FAAH2: variants seen among roughly 807,000 people sequenced by gnomAD.
FAAH2 encodes fatty-acid amide hydrolase 2.
In FAAH2, 60 loss-of-function variants were observed where a neutral mutation model predicts 36.9. The observed-to-expected ratio is 1.63, with a 90% CI of 1.32 to 2.02. The LOEUF is 2.02. FAAH2 is among the 30% of genes most tolerant of loss of function. The pLI, the probability that FAAH2 is intolerant of heterozygous loss-of-function variation, is 0.00. For missense variants in FAAH2, 689 were observed against 397.5 expected (o/e 1.73, Z -6.23); for synonymous variants, 214 against 143.8 (o/e 1.49, Z -3.49).
At chrX:57,484,506 T>A (rs1205411324) in intron 10 of FAAH2, among the ~76,000 whole-genome samples, 3 of 111,936 alleles carry the variant, frequency 2.7e-5, no homozygotes, top group Non-Finnish European at 5.6e-5. Context: ...ACACTTCAGA[T>A]GCACGTTGTT....
Position 57,343,079 on chromosome X carries a change from T to C in FAAH2, c.742+1689T>C, listed in dbSNP as rs148775459. ...TCTGCTATTCTGAATACTGCTGTGATAAACATATGAGTTCATTTGTCTTTT... is the reference window on the plus strand; with the variant it reads ...TCTGCTATTCTGAATACTGCTGTGACAAACATATGAGTTCATTTGTCTTTT... On this transcript the variant is annotated intron_variant, in intron 5 of 10. Transcript: ENST00000374900. 8.7e-3 allele frequency among the ~76,000 whole-genome samples: 978 copies of C among 112,272 alleles called. 9 individuals carry two copies. The highest frequency in any genetic ancestry group is 0.03 in the African/African-American group (933 of 30,979).
chrX:57,240,484 T>A, the FAAH2 span, among the ~76,000 whole-genome samples: 1 of 111,311 alleles, frequency 9.0e-6, no homozygotes, highest in African/African-American at 3.3e-5. Flanking sequence ...GTAGTGGCAG[T>A]GGGTTCCATG....
chrX:57,212,872 C>A, the FAAH2 span, among the ~76,000 whole-genome samples: 1 of 111,741 alleles, frequency 8.9e-6, no homozygotes, highest in Non-Finnish European at 1.9e-5. Context: ...CCTTTCTAAT[C>A]CATTAGAATA....
chrX:57,144,459 C>T, the FAAH2 span, among the ~76,000 whole-genome samples: 1 of 106,877 alleles, frequency 9.4e-6, no homozygotes, highest in Non-Finnish European at 1.9e-5. Flanking sequence ...TTTTTTTTTC[C>T]CCTACTTGAG....
At chrX:57,335,110 C>T (rs1345966465) in intron 4 of FAAH2, among the ~76,000 whole-genome samples, 6 of 112,077 alleles carry the variant, frequency 5.4e-5, no homozygotes, top group Non-Finnish European at 1.1e-4. Flanking sequence ...GTAAAACATT[C>T]CTCATTAAAT....
the FAAH2 span, among the ~76,000 whole-genome samples, chrX:57,140,265 C>A: frequency 9.2e-6 from 1 of 109,255 alleles, no homozygotes; most frequent in African/African-American, 3.3e-5. Context: ...AATATAAAAT[C>A]ATATTATCTG....
chrX:57,293,355 A>C (rs2052041683), intron 2 of FAAH2, among the ~76,000 whole-genome samples: 1 of 112,440 alleles, frequency 8.9e-6, no homozygotes, highest in Admixed American at 9.5e-5. Flanking sequence ...AATATCATGA[A>C]ATTATAGACA....
chrX:57,393,492 C>G (rs1250868067), intron 7 of FAAH2: 2 of 959,508 alleles, frequency 2.1e-6, no homozygotes, highest in Non-Finnish European at 3.0e-6. Flanking sequence ...GTGATCCGGT[C>G]TGCAATGATA....
At chrX:57,130,762 A>G in the FAAH2 span, among the ~76,000 whole-genome samples, 1 of 111,791 alleles carries the variant, frequency 8.9e-6, no homozygotes, top group South Asian at 3.8e-4. Context: ...GCTATTACTT[A>G]TTTAAACAAG....
At chrX:57,216,560 A>ATG in the FAAH2 span, among the ~76,000 whole-genome samples, 5,326 of 45,073 alleles carry the variant, frequency 0.12, 1,093 homozygotes, top group African/African-American at 0.22. Context: ...GTATATATAT[A>ATG]TATACGTATA....
the FAAH2 span, among the ~76,000 whole-genome samples, chrX:57,155,388 C>T: frequency 1.8e-5 from 2 of 111,363 alleles, no homozygotes; most frequent in Middle Eastern, 4.2e-3. Flanking sequence ...GAGTTATTTT[C>T]CCAGGAGGAT....
the FAAH2 span, among the ~76,000 whole-genome samples, chrX:57,279,094 C>T: frequency 8.9e-6 from 1 of 112,155 alleles, no homozygotes; most frequent in Non-Finnish European, 1.9e-5. Flanking sequence ...CCAGCAATCC[C>T]ATTACTGGGT....
At chrX:57,387,234 C>T (rs1290140223) in intron 7 of FAAH2, among the ~76,000 whole-genome samples, 1 of 111,027 alleles carries the variant, frequency 9.0e-6, no homozygotes, top group Non-Finnish European at 1.9e-5. Context: ...GCATGCTAAC[C>T]ATCACCATTA....
the FAAH2 span, among the ~76,000 whole-genome samples, chrX:57,272,025 G>A: frequency 9.2e-6 from 1 of 109,124 alleles, no homozygotes; most frequent in African/African-American, 3.3e-5. Context: ...TAGCCGAATT[G>A]CTAACTAGAA....
At chrX:57,131,988 A>G in the FAAH2 span, among the ~76,000 whole-genome samples, 1 of 112,162 alleles carries the variant, frequency 8.9e-6, no homozygotes, top group South Asian at 3.7e-4. Context: ...CTGATCATTA[A>G]TATGAAACTC....
chrX:57,270,612 T>C, the FAAH2 span, among the ~76,000 whole-genome samples: 1 of 111,941 alleles, frequency 8.9e-6, no homozygotes, highest in Admixed American at 9.5e-5. Flanking sequence ...GGGTGATTTC[T>C]GCATTTCCAA....
At chrX:57,320,269 A>G (rs1056265097) in intron 3 of FAAH2, among the ~76,000 whole-genome samples, 1 of 112,171 alleles carries the variant, frequency 8.9e-6, no homozygotes, top group Admixed American at 9.5e-5. Flanking sequence ...TGATCTATCC[A>G]TCTGACAAAG....
chrX:57,131,125 C>T, the FAAH2 span, among the ~76,000 whole-genome samples: 8 of 100,082 alleles, frequency 8.0e-5, no homozygotes, highest in East Asian at 2.5e-3. Flanking sequence ...GTCGCCCAGG[C>T]CGGACTGCGG....
chrX:57,389,119 A>G (rs975594686), intron 7 of FAAH2, among the ~76,000 whole-genome samples: 2 of 106,335 alleles, frequency 1.9e-5, no homozygotes, highest in African/African-American at 6.8e-5. Context: ...GTACCAAGGA[A>G]CACAATATAC....
Sources: gnomAD v4.1 joint callset for allele counts (sites outside exome capture counted in the v4.1 genomes callset) on GRCh38, gnomAD v4.1.1 for gene constraint, MANE v1.5 for transcripts, NCBI Gene and HGNC (gene_info 2026-07-23, HGNC 2026-07-21) for gene names.